The following GALNT18 variants were observed in gnomAD, a reference collection of about 807,000 sequenced individuals.
GALNT18 encodes polypeptide N-acetylgalactosaminyltransferase 18, also known as GalNAc-transferase 18.
Under a neutral mutation model 69.5 loss-of-function variants are expected in GALNT18, and 44 were observed. The observed-to-expected ratio is 0.63, with a 90% CI of 0.50 to 0.81. The LOEUF (loss-of-function observed/expected upper bound fraction) is 0.81. Among genes scored for constraint, GALNT18 ranks in the 40% least tolerant of loss-of-function variants. The pLI, the probability that GALNT18 is intolerant of heterozygous loss-of-function variation, is 0.00. For synonymous variants in GALNT18, 364 were observed against 318.2 expected (o/e 1.14, Z -1.53); for missense variants, 715 against 810.0 (o/e 0.88, Z 1.42).
Position 11,318,294 on chromosome 11 carries a change from A to G in GALNT18, c.1512+8792T>C, listed in dbSNP as rs974527290. On this transcript the variant is annotated intron_variant, in intron 9 of 10. Transcript: ENST00000227756. This position sits in a 1 kb window ranked among gnomAD's most constrained non-coding sequence, Gnocchi z 5.1. ...TCATAATGTAATCTTATTTGGAAATAGAGTCATTGCAGATATAATTAAATT... is the reference window on the plus strand; with the variant it reads ...TCATAATGTAATCTTATTTGGAAATGGAGTCATTGCAGATATAATTAAATT... Among the ~76,000 whole-genome samples, 1 of 152,260 alleles carries G rather than the reference A, an allele frequency of 6.6e-6. No individual in the cohort carries two copies. Among genetic ancestry groups the G allele is most frequent in the African/African-American group, 2.4e-5 (1 of 41,478 alleles).
chr11:11,294,528 G>A (rs1321319144), intron 9 of GALNT18, among the ~76,000 whole-genome samples: 2 of 151,334 alleles, frequency 1.3e-5, no homozygotes, highest in African/African-American at 2.4e-5. Context: ...AGCCAGGCCA[G>A]CTCTGCAAAC....
chr11:11,399,205 G>C (rs1854403224), intron 3 of GALNT18, among the ~76,000 whole-genome samples: 1 of 152,048 alleles, frequency 6.6e-6, no homozygotes, highest in Non-Finnish European at 1.5e-5. Context: ...ATATGAGAAG[G>C]GGCTTTCTGC....
chr11:11,333,343 A>AAT (rs1850052168), intron 7 of GALNT18, among the ~76,000 whole-genome samples: 1 of 152,234 alleles, frequency 6.6e-6, no homozygotes, highest in Admixed American at 6.5e-5. Context: ...TGAGACATGC[A>AAT]ATATATATAT....
rs1427597942 is a variant in GALNT18, at chr11:11,463,500, A to T, written c.236-14564T>A. Among the ~76,000 whole-genome samples, 1 of 152,128 alleles carries T rather than the reference A, an allele frequency of 6.6e-6. No individual in the cohort carries two copies. The highest frequency in any genetic ancestry group is 1.5e-5 in the Non-Finnish European group (1 of 68,038). On this transcript the variant is annotated intron_variant, in intron 1 of 10. Transcript: ENST00000227756. The surrounding 1 kb of genome is among the most constrained non-coding windows in gnomAD (Gnocchi z 4.2). ...CCCAGCGAGGTTGAGGTCTGCTTAC[A>T]CGTCCCCTGGGAGCCCTAGCTGTTG...
At chr11:11,493,192 C>T (rs1564977382) in intron 1 of GALNT18, among the ~76,000 whole-genome samples, 1 of 134,784 alleles carries the variant, frequency 7.4e-6, no homozygotes. Flanking sequence ...ACCTGGGAGG[C>T]GGAGGTTGAA....
rs1222645185 is a variant in GALNT18 at position 11,421,212 on chromosome 11, GT to G, written c.595+11408del. On this transcript the variant is annotated intron_variant, in intron 3 of 10. Coordinates refer to ENST00000227756, the MANE Select transcript of GALNT18 (RefSeq NM_198516.3). This position sits in a 1 kb window ranked among gnomAD's most constrained non-coding sequence, Gnocchi z 5.6. ...TCAGGCAGCTTCAGCGGTGCAGCAT[GT>G]TGGGACCTCAGCAGAGAGGCCGGTG... is the stretch of plus-strand genomic sequence containing the variant. Among the ~76,000 whole-genome samples, 3 of 137,836 alleles carry G rather than the reference GT, an allele frequency of 2.2e-5. No homozygotes were observed. Among genetic ancestry groups the G allele is most frequent in the Non-Finnish European group, 3.0e-5 (2 of 65,598 alleles). The allele number at this position is 137,836 out of a possible 152,430, so 90.4% of individuals were successfully genotyped here.
chr11:11,507,153 A>AT (rs2133907632), intron 1 of GALNT18, among the ~76,000 whole-genome samples: 1 of 152,352 alleles, frequency 6.6e-6, no homozygotes, highest in South Asian at 2.1e-4. Context: ...TGTTAAGTGA[A>AT]TAAGGAGTGA....
In GALNT18 at chr11:11,415,706, A is replaced by G. The variant is rs1389098731; in HGVS notation, c.595+16915T>C. On this transcript the variant is annotated intron_variant, in intron 3 of 10. Transcript: ENST00000227756. This position sits in a 1 kb window ranked among gnomAD's most constrained non-coding sequence, Gnocchi z 4.1. ...ACATAGAACAGAAAAGACAGAATCTATCTCCCACCCACACCTATGCGTCTT... is the reference window on the plus strand; with the variant it reads ...ACATAGAACAGAAAAGACAGAATCTGTCTCCCACCCACACCTATGCGTCTT... 6.6e-6 allele frequency among the ~76,000 whole-genome samples: 1 copy of G among 152,144 alleles called. No homozygotes were observed. The highest frequency in any genetic ancestry group is 1.9e-4 in the East Asian group (1 of 5,190).
chr11:11,312,700 C>T (rs1849691069), intron 9 of GALNT18, among the ~76,000 whole-genome samples: 2 of 152,210 alleles, frequency 1.3e-5, no homozygotes, highest in African/African-American at 2.4e-5. Context: ...AAAAAACAGG[C>T]TTCAGATTAA....
At chr11:11,466,250 T>C (rs1856153697) in intron 1 of GALNT18, among the ~76,000 whole-genome samples, 1 of 152,236 alleles carries the variant, frequency 6.6e-6, no homozygotes, top group African/African-American at 2.4e-5. Context: ...CTGATGTAGA[T>C]CAACGGACTG....
In GALNT18 at chr11:11,337,368, G is replaced by A. The variant is rs553258302; in HGVS notation, c.1278+3451C>T. Reference sequence around the variant, plus strand: ...GAATAAAGCAGTCTGTCCTCAGAGAGCCCATGGTGTATTGTGGTGGTTCTC... The same window carrying A: ...GAATAAAGCAGTCTGTCCTCAGAGAACCCATGGTGTATTGTGGTGGTTCTC... On this transcript the variant is annotated intron_variant, in intron 7 of 10. Transcript: ENST00000227756. The surrounding 1 kb of genome is among the most constrained non-coding windows in gnomAD (Gnocchi z 4.9). Among the ~76,000 whole-genome samples, 2 of 152,126 alleles carry A rather than the reference G, an allele frequency of 1.3e-5. No individual in the cohort carries two copies. The highest frequency in any genetic ancestry group is 4.8e-5 in the African/African-American group (2 of 41,432).
chr11:11,293,610 G>A (rs975747148), intron 9 of GALNT18, among the ~76,000 whole-genome samples: 1 of 125,994 alleles, frequency 7.9e-6, no homozygotes, highest in Non-Finnish European at 1.6e-5. Context: ...GCGCTATTTC[G>A]GCTCACTGCA....
At chr11:11,298,322 G>A (rs571726637) in intron 9 of GALNT18, among the ~76,000 whole-genome samples, 4 of 152,376 alleles carry the variant, frequency 2.6e-5, no homozygotes, top group South Asian at 4.1e-4. Flanking sequence ...TTCCATGCCC[G>A]TGGCTACTGC....
intron 10 of GALNT18, among the ~76,000 whole-genome samples, chr11:11,280,243 C>T (rs1849042265): frequency 1.3e-5 from 2 of 152,156 alleles, no homozygotes; most frequent in South Asian, 4.1e-4. Flanking sequence ...CCACTGTTTG[C>T]CAGGGAGAAA....
intron 2 of GALNT18, among the ~76,000 whole-genome samples, chr11:11,442,502 A>C (rs1361669391): frequency 2.0e-5 from 3 of 152,138 alleles, no homozygotes; most frequent in Non-Finnish European, 4.4e-5. Flanking sequence ...ATGTCTCTCT[A>C]GAGTCTGGAC....
rs4910347 is a variant in GALNT18 at position 11,454,403 on chromosome 11, A to G, written c.236-5467T>C. Among the ~76,000 whole-genome samples, 34,955 of 152,008 alleles carry G rather than the reference A, an allele frequency of 0.23. 4,344 individuals are homozygous for G. Among genetic ancestry groups the G allele is most frequent in the African/African-American group, 0.31 (12,883 of 41,424 alleles). Reference sequence around the variant, plus strand: ...AGAGAATTACCAGGCTTCTCTCCCAAGTATCCAGAATAGGACTGTGCATGG... The same window carrying G: ...AGAGAATTACCAGGCTTCTCTCCCAGGTATCCAGAATAGGACTGTGCATGG... On this transcript the variant is annotated intron_variant, in intron 1 of 10. Transcript: ENST00000227756. This position sits in a 1 kb window ranked among gnomAD's most constrained non-coding sequence, Gnocchi z 4.2.
chr11:11,442,716 T>C (rs1057161016), intron 2 of GALNT18, among the ~76,000 whole-genome samples: 1 of 151,804 alleles, frequency 6.6e-6, no homozygotes, highest in African/African-American at 2.4e-5. Context: ...TGTGGATCTG[T>C]CCCAATTATT....
At chr11:11,327,246 T>A (rs1849939082) in intron 8 of GALNT18, 65 bp from the exon 9 acceptor site, 1 of 1,206,814 alleles carries the variant, frequency 8.3e-7, no homozygotes, top group Non-Finnish European at 1.2e-6. Context: ...ATGAATTAAC[T>A]CTGGAGAAAC....
intron 1 of GALNT18, among the ~76,000 whole-genome samples, chr11:11,548,355 G>A (rs1171486440): frequency 6.6e-6 from 1 of 152,192 alleles, no homozygotes; most frequent in Non-Finnish European, 1.5e-5. Flanking sequence ...GAGAGAGGCA[G>A]CCTCTGTCAT....
Sources: gnomAD v4.1 joint callset for allele counts (sites outside exome capture counted in the v4.1 genomes callset) on GRCh38, gnomAD v4.1.1 for gene constraint, Gnocchi (gnomAD v3.1) non-coding constraint, MANE v1.5 for transcripts, NCBI Gene and HGNC (gene_info 2026-07-23, HGNC 2026-07-21) for gene names.